PDE1C: variants seen among roughly 807,000 people sequenced by gnomAD.
The protein encoded by PDE1C is dual specificity calcium/calmodulin-dependent 3',5'-cyclic nucleotide phosphodiesterase 1C.
In PDE1C, 62 loss-of-function variants were observed where a neutral mutation model predicts 93.1. The ratio of observed to expected loss-of-function variants is 0.67; its 90% CI spans 0.54 to 0.82. PDE1C has a LOEUF of 0.82. PDE1C is among the 40% of genes least tolerant of loss of function. PDE1C has a pLI of 0.00. For synonymous variants in PDE1C, 325 were observed against 310.1 expected (o/e 1.05, Z -0.50); for missense variants, 742 against 884.6 (o/e 0.84, Z 2.04).
intron 2 of PDE1C, among the ~76,000 whole-genome samples, chr7:31,934,474 A>C (rs1312223821): frequency 1.3e-5 from 2 of 152,002 alleles, no homozygotes; most frequent in Non-Finnish European, 2.9e-5. Context: ...TTGCACTGAA[A>C]CTAGTTTATG....
At chr7:31,889,552 C>T (rs1798371560) in intron 2 of PDE1C, among the ~76,000 whole-genome samples, 1 of 152,166 alleles carries the variant, frequency 6.6e-6, no homozygotes, top group South Asian at 2.1e-4. Context: ...TATTTCCATT[C>T]CTTTGGTTTT....
chr7:31,698,068 C>G, the PDE1C span, among the ~76,000 whole-genome samples: 1 of 152,202 alleles, frequency 6.6e-6, no homozygotes. Context: ...AGGTCTATCT[C>G]ACCTTTGGGC....
intron 16 of PDE1C, among the ~76,000 whole-genome samples, chr7:31,801,929 T>C (rs1786104194): frequency 6.6e-6 from 1 of 151,564 alleles, no homozygotes; most frequent in Admixed American, 6.6e-5. Flanking sequence ...GTAATTTTGT[T>C]GCATTAATAT....
At chr7:32,323,144 C>G in intron 1 of PDE1C, among the ~76,000 whole-genome samples, 1 of 152,192 alleles carries the variant, frequency 6.6e-6, no homozygotes, top group Middle Eastern at 3.2e-3. Context: ...GATCCATGAG[C>G]AGGATTGTAT....
chr7:31,693,249 G>A, the PDE1C span, among the ~76,000 whole-genome samples: 1 of 152,200 alleles, frequency 6.6e-6, no homozygotes, highest in Non-Finnish European at 1.5e-5. Context: ...AAATGGCTGT[G>A]CACTGAGCAG....
the PDE1C span, among the ~76,000 whole-genome samples, chr7:31,627,865 A>G: frequency 6.6e-6 from 1 of 152,154 alleles, no homozygotes; most frequent in Non-Finnish European, 1.5e-5. Context: ...TTAAGTGAAT[A>G]CTAAGTTGTC....
chr7:31,796,209 C>A (rs1250765353), intron 16 of PDE1C, among the ~76,000 whole-genome samples: 1 of 149,712 alleles, frequency 6.7e-6, no homozygotes, highest in East Asian at 2.0e-4. Flanking sequence ...ATTAATATAT[C>A]TTACATGTTA....
In PDE1C at chr7:31,967,175, C is replaced by G. The variant is rs559778964; in HGVS notation, c.128+84379G>C. 1.5e-4 allele frequency among the ~76,000 whole-genome samples: 23 copies of G among 152,084 alleles called. No homozygotes were observed. The South Asian group carries it at 2.7e-3, about 18-fold the overall frequency. On this transcript the variant is annotated intron_variant, in intron 2 of 17. Coordinates refer to ENST00000396191, the MANE Select transcript of PDE1C (RefSeq NM_001191057.4). ...AAAAAATCAATGAATCCAGGAGCTG[C>G]TTTTTTGAAACGATCAACAAAATTG... is the stretch of plus-strand genomic sequence containing the variant.
At chr7:32,108,120 A>T (rs551836086) in intron 3 of PDE1C, among the ~76,000 whole-genome samples, 4 of 151,752 alleles carry the variant, frequency 2.6e-5, no homozygotes, top group Non-Finnish European at 5.9e-5. Context: ...GAAAAGAGTT[A>T]CAAATATGGT....
At chr7:32,217,991 G>A (rs1480447730) in intron 1 of PDE1C, among the ~76,000 whole-genome samples, 1 of 152,106 alleles carries the variant, frequency 6.6e-6, no homozygotes, top group East Asian at 1.9e-4. Flanking sequence ...TAGAAGATGG[G>A]ACTACCTTAT....
At chr7:32,070,885 C>T, upstream of PDE1C, 1 of 985,758 alleles carries the variant, frequency 1.0e-6, no homozygotes, top group Non-Finnish European at 1.2e-6. Context: ...GGGCCTGACC[C>T]GGACGCCGCG....
chr7:31,894,921 T>G (rs1799088024), intron 2 of PDE1C, among the ~76,000 whole-genome samples: 1 of 152,156 alleles, frequency 6.6e-6, no homozygotes, highest in Admixed American at 6.5e-5. Context: ...GGCAAGAGAT[T>G]GTTAGACAGG....
upstream of PDE1C, among the ~76,000 whole-genome samples, chr7:32,071,763 G>C (rs1351628563): frequency 2.0e-5 from 3 of 152,234 alleles, no homozygotes; most frequent in East Asian, 1.9e-4. Context: ...GTCAGGGAGG[G>C]AGGACAGATG....
At chr7:32,157,405 T>C (rs1378343615) in intron 3 of PDE1C, among the ~76,000 whole-genome samples, 1 of 152,194 alleles carries the variant, frequency 6.6e-6, no homozygotes, top group African/African-American at 2.4e-5. Context: ...TTGATCATTG[T>C]ACATTGTATA....
intron 2 of PDE1C, among the ~76,000 whole-genome samples, chr7:31,921,058 G>GA (rs1042923987): frequency 1.3e-5 from 2 of 152,206 alleles, no homozygotes; most frequent in African/African-American, 4.8e-5. Context: ...TCAGGCTACT[G>GA]AAAAATCAAT....
intron 2 of PDE1C, among the ~76,000 whole-genome samples, chr7:31,976,276 A>G (rs1214793779): frequency 4.6e-5 from 7 of 152,204 alleles, no homozygotes; most frequent in Non-Finnish European, 2.9e-5. Context: ...CAACTATTCA[A>G]ACATTTGTTG....
intron 2 of PDE1C, among the ~76,000 whole-genome samples, chr7:31,998,497 G>A (rs1785050202): frequency 6.6e-6 from 1 of 152,098 alleles, no homozygotes; most frequent in Admixed American, 6.5e-5. Context: ...TATACCGAAT[G>A]ATCATTGTCA....
chr7:31,729,200 T>C, the PDE1C span, among the ~76,000 whole-genome samples: 7 of 152,284 alleles, frequency 4.6e-5, no homozygotes, highest in East Asian at 1.9e-4. Context: ...CAATAAAAGA[T>C]TTTCAGTAAA....
the PDE1C span, among the ~76,000 whole-genome samples, chr7:31,620,205 G>GTAACCTCTTCAGACTTAA: frequency 6.6e-6 from 1 of 152,138 alleles, no homozygotes; most frequent in African/African-American, 2.4e-5. Context: ...AAAGACAGCA[G>GTAACCTCTTCAGACTTAA]TAACCTCTTC....
Sources: allele counts gnomAD v4.1 joint callset (sites outside exome capture counted in the v4.1 genomes callset), GRCh38; gene constraint gnomAD v4.1.1; transcripts MANE v1.5; gene names NCBI Gene and HGNC (gene_info 2026-07-23, HGNC 2026-07-21).